DPP8: variants seen among roughly 807,000 people sequenced by gnomAD.
DPP8 encodes dipeptidyl peptidase 8.
DPP8 carries 31 observed loss-of-function variants against 107.5 expected under a neutral mutation model. That is an observed-to-expected ratio of 0.29 (90% confidence interval 0.22 to 0.39). DPP8 has a LOEUF of 0.39. Among genes scored for constraint, DPP8 ranks in the 10% least tolerant of loss-of-function variants. DPP8 has a pLI of 1.00. For synonymous variants in DPP8, 381 were observed against 356.6 expected, an observed-to-expected ratio of 1.07 and a Z score of -0.77; for missense variants, 842 against 1,076.1, an observed-to-expected ratio of 0.78 and a Z score of 3.04.
chr15:65,516,770 C>T (rs2071488326), intron 1 of DPP8: 1 of 152,222 alleles, frequency 6.6e-6, no homozygotes, highest in South Asian at 2.1e-4. Context: ...TGAAGCCTAG[C>T]TATCTCATTC....
chr15:65,494,669 G>GA (rs2068405793), intron 5 of DPP8, among the ~76,000 whole-genome samples: 2 of 135,116 alleles, frequency 1.5e-5, no homozygotes, highest in Admixed American at 7.5e-5. Context: ...AAAAGGGCAT[G>GA]AAAAAATCGC....
chr15:65,454,474 C>T (rs2064235031), intron 16 of DPP8, 59 bp from the exon 17 acceptor site: 2 of 1,428,774 alleles, frequency 1.4e-6, no homozygotes, highest in African/African-American at 1.5e-5. Flanking sequence ...CGTAAGAGTG[C>T]TTTCAAAGAT....
chr15:65,504,288 A>C, intron 3 of DPP8, among the ~76,000 whole-genome samples: 1 of 148,144 alleles, frequency 6.8e-6, no homozygotes, highest in East Asian at 2.0e-4. Context: ...CCTTGAACCC[A>C]GGAGGCAGAG....
At chr15:65,451,151 G>A (rs370912769) in intron 18 of DPP8, 41 bp from the exon 19 acceptor site, 107 of 1,166,330 alleles carry the variant, frequency 9.2e-5, no homozygotes, top group Admixed American at 3.1e-4. Context: ...CAAAATAGTA[G>A]AGTATTTGGG....
intron 3 of DPP8, among the ~76,000 whole-genome samples, chr15:65,505,784 T>C (rs1400446581): frequency 6.6e-6 from 1 of 151,590 alleles, no homozygotes; most frequent in Non-Finnish European, 1.5e-5. Flanking sequence ...ACCCCGTCTC[T>C]ACTGAAAATA....
At chr15:65,498,174 C>T (rs556417233) in intron 4 of DPP8, 142 bp from the exon 5 acceptor site, 1 of 553,212 alleles carries the variant, frequency 1.8e-6, no homozygotes, top group South Asian at 4.9e-5. Context: ...GTAATCCCAG[C>T]ACTTCGGGAG....
intron 3 of DPP8, among the ~76,000 whole-genome samples, chr15:65,505,043 T>C (rs915886267): frequency 3.3e-5 from 5 of 151,882 alleles, no homozygotes; most frequent in Admixed American, 6.6e-5. Context: ...GAATGACATA[T>C]CTGGTATCTT....
intron 8 of DPP8, among the ~76,000 whole-genome samples, chr15:65,482,343 G>A (rs1371867125): frequency 2.0e-5 from 3 of 151,744 alleles, no homozygotes; most frequent in Non-Finnish European, 4.4e-5. Flanking sequence ...GTGCAGTGGC[G>A]CCATCTCGAC....
In DPP8 at chr15:65,486,126, G is replaced by C. The variant is rs549697624; in HGVS notation, c.956-966C>G. On this transcript the variant is annotated intron_variant, in intron 7 of 19. Transcript: ENST00000300141. ...AAAAAACAACACAAAAAAAACGGCC[G>C]GGCGCAGTGGCTCAGGCCTGTAACC... 2.4e-4 allele frequency among the ~76,000 whole-genome samples: 35 copies of C among 147,878 alleles called. No individual in the cohort carries two copies. In the East Asian group the frequency reaches 3.8e-3, roughly 16 times the overall value.
At chr15:65,487,859 T>A in intron 6 of DPP8, 41 bp from the exon 7 acceptor site, 1 of 1,384,962 alleles carries the variant, frequency 7.2e-7, no homozygotes, top group Non-Finnish European at 1.0e-6. Context: ...GAAGAATTAT[T>A]CCAGAGAGTA....
At chr15:65,507,114 T>C (rs1459963334) in intron 3 of DPP8, 129 bp downstream of exon 3, 8 of 494,578 alleles carry the variant, frequency 1.6e-5, no homozygotes, top group Non-Finnish European at 2.1e-5. Context: ...GGGTCATACA[T>C]GCAAAAACAT....
intron 5 of DPP8, among the ~76,000 whole-genome samples, chr15:65,495,439 A>G (rs1259240416): frequency 6.6e-6 from 1 of 152,024 alleles, no homozygotes; most frequent in Non-Finnish European, 1.5e-5. Flanking sequence ...CCCCGTCCCT[A>G]CTAAAAATAC....
rs537291648 is a variant in DPP8, at chr15:65,475,306, G to A, written c.1457-1018C>T. 3.0e-5 allele frequency: 24 copies of A among 800,750 alleles called. No homozygotes were observed. The South Asian group carries it at 3.2e-4, about 11-fold the overall frequency. 49.6% of individuals were successfully genotyped at this position (800,750 alleles called of 1,614,324 possible). A position where few individuals can be genotyped will look rare whatever the true frequency, so the allele number is the denominator to read the frequency against. On this transcript the variant is annotated intron_variant, in intron 11 of 19. Coordinates refer to ENST00000300141, the MANE Select transcript of DPP8 (RefSeq NM_130434.5). Reference sequence around the variant, plus strand: ...TACCTCTATTCCACCCCAGTGGTAGGTGGAAGTTGGGTCAGCTGCTGCCCC... The same window carrying A: ...TACCTCTATTCCACCCCAGTGGTAGATGGAAGTTGGGTCAGCTGCTGCCCC...
chr15:65,466,946 G>A, intron 13 of DPP8, 125 bp downstream of exon 13: 1 of 1,416,176 alleles, frequency 7.1e-7, no homozygotes, highest in Non-Finnish European at 9.6e-7. Flanking sequence ...TTGAAATTAA[G>A]CTTTTTAAAG....
At chr15:65,479,645 C>T (rs1020400618) in intron 10 of DPP8, among the ~76,000 whole-genome samples, 1 of 151,382 alleles carries the variant, frequency 6.6e-6, no homozygotes, top group Non-Finnish European at 1.5e-5. Flanking sequence ...GAGATCGAGA[C>T]CATCCTGGCT....
chr15:65,492,570 GCATTA>G, intron 5 of DPP8, among the ~76,000 whole-genome samples: 1 of 152,088 alleles, frequency 6.6e-6, no homozygotes, highest in African/African-American at 2.4e-5. Context: ...AGTCTAGTAG[GCATTA>G]CATATCTCAT....
intron 11 of DPP8, among the ~76,000 whole-genome samples, chr15:65,476,727 C>A (rs1036525704): frequency 6.6e-6 from 1 of 152,182 alleles, no homozygotes; most frequent in Non-Finnish European, 1.5e-5. Flanking sequence ...GGGACAGGAA[C>A]AGATACTTGT....
At chr15:65,480,158 T>C in intron 10 of DPP8, 64 bp downstream of exon 10, 5 of 1,455,410 alleles carry the variant, frequency 3.4e-6, no homozygotes, top group South Asian at 1.3e-5. Context: ...TAGTTTGCTA[T>C]ATAACTTCAT....
chr15:65,494,629 C>T (rs962605842), intron 5 of DPP8, among the ~76,000 whole-genome samples: 2 of 115,908 alleles, frequency 1.7e-5, no homozygotes, highest in Non-Finnish European at 3.3e-5. Context: ...AATAGGAGAC[C>T]CTGTCTCAAA....
Sources: allele counts gnomAD v4.1 joint callset (sites outside exome capture counted in the v4.1 genomes callset), GRCh38; gene constraint gnomAD v4.1.1; transcripts MANE v1.5; gene names NCBI Gene and HGNC (gene_info 2026-07-23, HGNC 2026-07-21).